ZNF346: variants seen among roughly 807,000 people sequenced by gnomAD.
ZNF346 encodes double-stranded RNA-binding zinc finger protein JAZ.
Under a neutral mutation model 33.7 loss-of-function variants are expected in ZNF346, and 23 were observed. That is an observed-to-expected ratio of 0.68 (90% CI 0.49 to 0.97). The LOEUF (loss-of-function observed/expected upper bound fraction) is 0.97. Among genes scored for constraint, ZNF346 ranks in the 50% least tolerant of loss-of-function variants. The probability of loss-of-function intolerance (pLI) is 0.00; values close to 1 mark genes in which losing one functional copy is unlikely to be tolerated. For missense variants in ZNF346, 340 were observed against 371.1 expected, an observed-to-expected ratio of 0.92 and a Z score of 0.69; for synonymous variants, 134 against 142.4, an observed-to-expected ratio of 0.94 and a Z score of 0.42.
At chr5:177,024,233 C>T (rs551499594) in intron 1 of ZNF346, among the ~76,000 whole-genome samples, 1 of 121,344 alleles carries the variant, frequency 8.2e-6, no homozygotes, top group Non-Finnish European at 1.6e-5. Flanking sequence ...GAGAGTCTCA[C>T]TCTGTCACCC....
chr5:177,040,893 A>T (rs1333813237), intron 1 of ZNF346, among the ~76,000 whole-genome samples: 1 of 152,166 alleles, frequency 6.6e-6, no homozygotes, highest in Non-Finnish European at 1.5e-5. Flanking sequence ...TTTTTAAAAG[A>T]AGTTCCTAAG....
intron 8 of ZNF346, among the ~76,000 whole-genome samples, chr5:177,074,461 T>C (rs1260819810): frequency 1.3e-5 from 2 of 152,180 alleles, no homozygotes; most frequent in African/African-American, 4.8e-5. Flanking sequence ...GACCATACTG[T>C]TGGGAACCAG....
chr5:177,045,430 C>T (rs1779905503), intron 4 of ZNF346, among the ~76,000 whole-genome samples: 1 of 151,996 alleles, frequency 6.6e-6, no homozygotes, highest in South Asian at 2.1e-4. Context: ...TCTCGGCTCA[C>T]TGCAAGCTCT....
downstream of ZNF346, among the ~76,000 whole-genome samples, chr5:177,072,525 CA>C (rs2149718679): frequency 6.6e-6 from 1 of 152,248 alleles, no homozygotes; most frequent in East Asian, 1.9e-4. Context: ...TAGTGTCCAG[CA>C]TGTAAGGACA....
rs538229660 is a variant in ZNF346 at position 177,062,767 on chromosome 5, T to G, written c.797+616T>G. 2.0e-5 allele frequency among the ~76,000 whole-genome samples: 3 copies of G among 152,336 alleles called. No homozygotes were observed. The East Asian group carries it at 5.8e-4, about 29-fold the overall frequency. On this transcript the variant is annotated intron_variant, in intron 6 of 6. Coordinates refer to ENST00000358149, the MANE Select transcript of ZNF346 (RefSeq NM_012279.4). ...TGAGCCCCTCTTCTGTTGCAGGCCATATGTCAAGCAGATTTTCTCAGGTAA... is the reference window on the plus strand; with the variant it reads ...TGAGCCCCTCTTCTGTTGCAGGCCAGATGTCAAGCAGATTTTCTCAGGTAA...
At chr5:177,045,449 G>C (rs1490714896) in intron 4 of ZNF346, among the ~76,000 whole-genome samples, 1 of 151,870 alleles carries the variant, frequency 6.6e-6, no homozygotes, top group Non-Finnish European at 1.5e-5. Context: ...CTACCTCCCA[G>C]GTTCATGCCA....
chr5:177,051,352 T>C (rs1780859396), intron 5 of ZNF346, among the ~76,000 whole-genome samples: 1 of 151,542 alleles, frequency 6.6e-6, no homozygotes, highest in African/African-American at 2.4e-5. Flanking sequence ...TTTTTTTGTA[T>C]TTTTAGTAGA....
intron 5 of ZNF346, among the ~76,000 whole-genome samples, chr5:177,055,072 C>CA (rs1781492120): frequency 7.1e-6 from 1 of 141,380 alleles, no homozygotes; most frequent in South Asian, 2.2e-4. Context: ...CTCATTCTGT[C>CA]ACTCAGGCTG....
intron 1 of ZNF346, among the ~76,000 whole-genome samples, chr5:177,035,878 A>G (rs1397626456): frequency 6.6e-6 from 1 of 150,960 alleles, no homozygotes; most frequent in Non-Finnish European, 1.5e-5. Flanking sequence ...TGGCCTCGTG[A>G]TCCGCCCGCC....
chr5:177,058,199 G>A (rs930342993), intron 5 of ZNF346, among the ~76,000 whole-genome samples: 13 of 151,746 alleles, frequency 8.6e-5, no homozygotes, highest in African/African-American at 3.1e-4. Context: ...AAATAGCTGG[G>A]CGCGGTGGCT....
chr5:177,044,178 C>T, intron 3 of ZNF346: 1 of 535,972 alleles, frequency 1.9e-6, no homozygotes, highest in Non-Finnish European at 3.2e-6. Context: ...CAGGAATGGC[C>T]AAAGCAAAGC....
chr5:177,038,264 T>TTG (rs1554145670), intron 1 of ZNF346, among the ~76,000 whole-genome samples: 3 of 148,500 alleles, frequency 2.0e-5, no homozygotes, highest in Non-Finnish European at 3.0e-5. Context: ...ACGTTTTTTT[T>TTG]TTTTGTGTGT....
At chr5:177,045,131 A>G (rs1456535051) in intron 4 of ZNF346, among the ~76,000 whole-genome samples, 2 of 152,170 alleles carry the variant, frequency 1.3e-5, no homozygotes, top group Non-Finnish European at 2.9e-5. Flanking sequence ...CTCAGCCCTC[A>G]CTTTCATCTC....
chr5:177,022,871 T>C lies in ZNF346; in HGVS notation c.133T>C (p.Trp45Arg), dbSNP rs1284966902. 2.6e-6 allele frequency: 4 copies of C among 1,519,338 alleles called. No individual in the cohort carries two copies. Among genetic ancestry groups the C allele is most frequent in the Non-Finnish European group, 2.6e-6 (3 of 1,132,438 alleles). 94.1% of individuals were successfully genotyped at this position (1,519,338 alleles called of 1,614,324 possible). Residue 45 changes from tryptophan (W) to arginine (R), a missense_variant, in exon 1 of 7, where the codon TGG becomes CGG. By Grantham distance (101) the Trp-to-Arg change is moderately radical (BLOSUM62 -3). Transcript: ENST00000358149. Reference sequence around the variant, plus strand: ...TGACCGCGAGAGGGCGCGCCGCCTGTGGGAAGCCGTGTCCGGTGCCCAGCC... The same window carrying C: ...TGACCGCGAGAGGGCGCGCCGCCTGCGGGAAGCCGTGTCCGGTGCCCAGCC... Reference protein sequence around the residue: ...RFDRERARRLWEAVSGAQPVG... With the variant: ...RFDRERARRLREAVSGAQPVG...
chr5:177,057,219 G>A (rs1436974500), intron 5 of ZNF346, among the ~76,000 whole-genome samples: 3 of 152,090 alleles, frequency 2.0e-5, no homozygotes, highest in Admixed American at 6.6e-5. Flanking sequence ...ACTTGAACCC[G>A]GGAGGCGGCG....
At chr5:177,063,023 C>G (rs1782729327) in intron 6 of ZNF346, among the ~76,000 whole-genome samples, 2 of 151,580 alleles carry the variant, frequency 1.3e-5, no homozygotes, top group Admixed American at 1.3e-4. Context: ...CCTTCCTCTC[C>G]GAAGGGAAAC....
At chr5:177,026,657 CAGTT>C (rs1347835413) in intron 1 of ZNF346, among the ~76,000 whole-genome samples, 10 of 152,220 alleles carry the variant, frequency 6.6e-5, no homozygotes, top group African/African-American at 2.4e-4. Flanking sequence ...CCACCACACT[CAGTT>C]GGTAATATTT....
At chr5:177,029,835 G>A (rs772316963) in intron 1 of ZNF346, among the ~76,000 whole-genome samples, 3 of 152,206 alleles carry the variant, frequency 2.0e-5, no homozygotes, top group African/African-American at 7.2e-5. Flanking sequence ...TTTATAGCCG[G>A]TTGGTCAGAA....
downstream of ZNF346, among the ~76,000 whole-genome samples, chr5:177,068,694 A>G (rs1003780118): frequency 7.0e-6 from 1 of 142,990 alleles, no homozygotes; most frequent in East Asian, 1.9e-4. Flanking sequence ...AAGCTGAGTC[A>G]GCTCCACCTA....
Sources: allele counts gnomAD v4.1 joint callset (sites outside exome capture counted in the v4.1 genomes callset), GRCh38; gene constraint gnomAD v4.1.1; transcripts MANE v1.5; gene names NCBI Gene and HGNC (gene_info 2026-07-23, HGNC 2026-07-21).